The following SEMA3A variants were observed in gnomAD, a reference collection of about 807,000 sequenced individuals.
The protein encoded by SEMA3A is semaphorin-3A.
In SEMA3A, 29 loss-of-function variants were observed where a neutral mutation model predicts 97.9. The observed-to-expected ratio is 0.30, with a 90% CI of 0.22 to 0.40. The LOEUF is 0.40. Ranked by LOEUF, SEMA3A falls within the 10% of genes least tolerant of loss-of-function variation. The pLI, the probability that SEMA3A is intolerant of heterozygous loss-of-function variation, is 1.00. For synonymous variants in SEMA3A, 321 were observed against 323.7 expected, an observed-to-expected ratio of 0.99 and a Z score of 0.09; for missense variants, 763 against 951.3, an observed-to-expected ratio of 0.80 and a Z score of 2.60.
chr7:84,324,937 A>G (rs189579241), intron 2 of SEMA3A, among the ~76,000 whole-genome samples: 14 of 152,274 alleles, frequency 9.2e-5, no homozygotes, highest in African/African-American at 3.1e-4. Context: ...GGTAGATGCA[A>G]TCCACTCCAT....
At chr7:84,081,311 G>T (rs1051814154) in intron 4 of SEMA3A, among the ~76,000 whole-genome samples, 3 of 152,030 alleles carry the variant, frequency 2.0e-5, no homozygotes, top group Non-Finnish European at 2.9e-5. Context: ...AAGCTTGTAG[G>T]GCCGGGCGCG....
intron 1 of SEMA3A, among the ~76,000 whole-genome samples, chr7:84,431,540 G>C (rs1402500289): frequency 6.6e-6 from 1 of 151,798 alleles, no homozygotes; most frequent in African/African-American, 2.4e-5. Context: ...AATGACTAAA[G>C]CATTTTTTGT....
chr7:84,488,331 CA>C (rs1562963468), intron 1 of SEMA3A, among the ~76,000 whole-genome samples: 1 of 151,570 alleles, frequency 6.6e-6, no homozygotes, highest in African/African-American at 2.4e-5. Flanking sequence ...CACACACACA[CA>C]CACACACACA....
chr7:84,456,955 T>A (rs1413892894), intron 1 of SEMA3A, among the ~76,000 whole-genome samples: 1 of 151,780 alleles, frequency 6.6e-6, no homozygotes, highest in East Asian at 1.9e-4. Context: ...TAATAAGCGA[T>A]AAAGCCAGGA....
chr7:84,474,757 C>T (rs2116418005), intron 1 of SEMA3A, among the ~76,000 whole-genome samples: 1 of 152,204 alleles, frequency 6.6e-6, no homozygotes, highest in East Asian at 1.9e-4. Flanking sequence ...ATGATCCTAA[C>T]ACCCTTGCTT....
chr7:84,005,472 C>G lies in SEMA3A; in HGVS notation c.1227G>C (p.Met409Ile), dbSNP rs2116397231. ...TGTTCATAGGAAACACTGGATTGTA[C>G]ATGGCTGGATGACTTCTTGCAAAGG... ...VITFARSHPAMYNPVFPMNNR... is the reference protein window; with the variant it reads ...VITFARSHPAIYNPVFPMNNR... The change falls in exon 11 of 17, where the codon ATG becomes ATC. Residue 409 changes from methionine (M) to isoleucine (I), a missense_variant. Met to Ile is a conservative substitution (Grantham distance 10). Coordinates refer to ENST00000265362, the MANE Select transcript of SEMA3A (RefSeq NM_006080.3). The G allele has an allele frequency of 6.2e-7, 1 of 1,613,954 alleles. No homozygotes were observed. Among genetic ancestry groups the G allele is most frequent in the Middle Eastern group, 1.6e-4 (1 of 6,062 alleles).
intron 3 of SEMA3A, among the ~76,000 whole-genome samples, chr7:84,111,944 C>A (rs1313716142): frequency 6.6e-6 from 1 of 152,122 alleles, no homozygotes; most frequent in African/African-American, 2.4e-5. Flanking sequence ...AACTTAACTT[C>A]CACTACTCTT....
intron 1 of SEMA3A, among the ~76,000 whole-genome samples, chr7:84,439,778 G>T (rs997183377): frequency 2.6e-5 from 4 of 152,106 alleles, no homozygotes; most frequent in Non-Finnish European, 5.9e-5. Context: ...TTATGACAAT[G>T]TTATCAATGT....
intron 1 of SEMA3A, among the ~76,000 whole-genome samples, chr7:84,185,010 C>T (rs1374981908): frequency 6.6e-6 from 1 of 152,136 alleles, no homozygotes; most frequent in Admixed American, 6.6e-5. Flanking sequence ...GAGACTGTCT[C>T]TCAAGACCTG....
At chr7:84,083,229 C>T (rs972355612) in intron 4 of SEMA3A, among the ~76,000 whole-genome samples, 2 of 151,704 alleles carry the variant, frequency 1.3e-5, no homozygotes, top group South Asian at 2.1e-4. Flanking sequence ...TACACACACA[C>T]GTATTTGTAC....
At chr7:84,094,963 A>G (rs1024052457) in intron 4 of SEMA3A, among the ~76,000 whole-genome samples, 3 of 151,614 alleles carry the variant, frequency 2.0e-5, no homozygotes, top group Non-Finnish European at 2.9e-5. Context: ...AACATTAATT[A>G]TATTGTTTAT....
intron 1 of SEMA3A, among the ~76,000 whole-genome samples, chr7:84,177,908 T>C (rs1797619297): frequency 6.6e-6 from 1 of 152,180 alleles, no homozygotes; most frequent in Non-Finnish European, 1.5e-5. Flanking sequence ...GAATATCTTG[T>C]CATCTTGCTC....
intron 3 of SEMA3A, among the ~76,000 whole-genome samples, chr7:84,300,350 G>A (rs1210974381): frequency 6.6e-6 from 1 of 151,994 alleles, no homozygotes; most frequent in Non-Finnish European, 1.5e-5. Flanking sequence ...CAGGTGGAAA[G>A]CATGTACTTA....
intron 4 of SEMA3A, among the ~76,000 whole-genome samples, chr7:84,062,375 G>A (rs889221084): frequency 4.6e-5 from 7 of 152,046 alleles, no homozygotes; most frequent in African/African-American, 1.7e-4. Flanking sequence ...GAAATACCCA[G>A]ATATATGTGT....
intron 1 of SEMA3A, among the ~76,000 whole-genome samples, chr7:84,378,673 G>A (rs975502972): frequency 7.2e-5 from 11 of 151,904 alleles, no homozygotes; most frequent in South Asian, 4.1e-4. Context: ...AAACCTGCAC[G>A]TTCTGCACAT....
chr7:84,051,938 C>T (rs1408851741), intron 5 of SEMA3A, among the ~76,000 whole-genome samples: 4 of 150,474 alleles, frequency 2.7e-5, no homozygotes, highest in Non-Finnish European at 5.9e-5. Context: ...TGAATTTTGT[C>T]AAAGGCCTTT....
Position 84,407,691 on chromosome 7 carries a change from C to T in SEMA3A, c.-245-35791G>A, listed in dbSNP as rs572403704. On this transcript the variant is annotated intron_variant, in intron 1 of 3. Transcript: ENST00000424555. ...AAACAGCATGGTACTGGTACCAAAA[C>T]AGAGATGTAGACCAATGGAACAGAA... Among the ~76,000 whole-genome samples the T allele has an allele frequency of 7.0e-4, 106 of 152,130 alleles. 1 individual carries two copies. Among genetic ancestry groups the T allele is most frequent in the African/African-American group, 2.4e-3 (98 of 41,486 alleles).
rs114079268 is a variant in SEMA3A at position 84,476,456 on chromosome 7, G to A, written c.-246+16004C>T. Among the ~76,000 whole-genome samples, 1,407 of 151,920 alleles carry A rather than the reference G, an allele frequency of 9.3e-3. 16 individuals carry two copies. The highest frequency in any genetic ancestry group is 0.03 in the African/African-American group (1,241 of 41,444). On this transcript the variant is annotated intron_variant, in intron 1 of 3. Transcript: ENST00000424555. Reference sequence around the variant, plus strand: ...ACCCATATAGAGTCTGCAAAATAATGCAGTAGAGTAGTAACACTTGAAGAT... The same window carrying A: ...ACCCATATAGAGTCTGCAAAATAATACAGTAGAGTAGTAACACTTGAAGAT...
intron 3 of SEMA3A, among the ~76,000 whole-genome samples, chr7:84,214,115 C>G (rs1350734563): frequency 6.6e-6 from 1 of 152,144 alleles, no homozygotes; most frequent in Non-Finnish European, 1.5e-5. Flanking sequence ...CACAATAAGC[C>G]AGACATTGGA....
Sources: allele counts gnomAD v4.1 joint callset (sites outside exome capture counted in the v4.1 genomes callset), GRCh38; gene constraint gnomAD v4.1.1; transcripts MANE v1.5; gene names NCBI Gene and HGNC (gene_info 2026-07-23, HGNC 2026-07-21).